Variants in PARP2 observed in about 807,000 individuals in gnomAD.
PARP2 encodes the protein poly [ADP-ribose] polymerase 2.
PARP2 carries 57 observed loss-of-function variants against 77.8 expected under a neutral mutation model. That is an observed-to-expected ratio of 0.73 (90% CI 0.59 to 0.91). PARP2 has a LOEUF of 0.91. PARP2 is among the 40% of genes least tolerant of loss of function. PARP2 has a pLI of 0.00. For missense variants in PARP2, 651 were observed against 689.0 expected, an observed-to-expected ratio of 0.94 and a Z score of 0.62; for synonymous variants, 226 against 242.6, an observed-to-expected ratio of 0.93 and a Z score of 0.64.
intron 6 of PARP2, among the ~76,000 whole-genome samples, chr14:20,351,797 T>C (rs1883964805): frequency 6.6e-6 from 1 of 151,942 alleles, no homozygotes; most frequent in Non-Finnish European, 1.5e-5. Context: ...GAGGATTGCT[T>C]GAAGCTAGGA....
intron 5 of PARP2, 97 bp from the exon 6 acceptor site, chr14:20,350,950 C>A: frequency 1.1e-6 from 1 of 925,542 alleles, no homozygotes; most frequent in Non-Finnish European, 1.7e-6. Flanking sequence ...TCCCTTCTCC[C>A]TTTCCTGCCT....
At chr14:20,354,767 T>C (rs780118419) in intron 8 of PARP2, 42 bp from the exon 9 acceptor site, 131 of 1,567,292 alleles carry the variant, frequency 8.4e-5, no homozygotes, top group Middle Eastern at 1.7e-4. Context: ...GTTCACTAGA[T>C]GGGATCCTAG....
chr14:20,355,155 T>A, intron 9 of PARP2: 1 of 467,900 alleles, frequency 2.1e-6, no homozygotes. Context: ...AGCCATATTC[T>A]CTGACAAAGT....
intron 4 of PARP2, among the ~76,000 whole-genome samples, chr14:20,347,617 G>T (rs1308538890): frequency 6.8e-6 from 1 of 147,740 alleles, no homozygotes; most frequent in Non-Finnish European, 1.5e-5. Flanking sequence ...CACCATGTTG[G>T]CCAGGCTGGT....
rs531629163 is a variant in PARP2, at chr14:20,353,309, T to A, written c.601-776T>A. On this transcript the variant is annotated intron_variant, in intron 7 of 15. Coordinates refer to ENST00000429687, the MANE Select transcript of PARP2 (RefSeq NM_001042618.2). ...CAGGCTGGAGTGCAGTGGCGCGATCTCGGCTCACTGCACGCTCCGCCTCTG... is the reference window on the plus strand; with the variant it reads ...CAGGCTGGAGTGCAGTGGCGCGATCACGGCTCACTGCACGCTCCGCCTCTG... Among the ~76,000 whole-genome samples, 3 of 152,046 alleles carry A rather than the reference T, an allele frequency of 2.0e-5. No homozygotes were observed. The South Asian group carries it at 6.2e-4, about 32-fold the overall frequency.
chr14:20,351,224 G>T, intron 6 of PARP2, 102 bp downstream of exon 6: 1 of 736,732 alleles, frequency 1.4e-6, no homozygotes, highest in Non-Finnish European at 2.3e-6. Context: ...TGTTGCCCAG[G>T]CTGGAGTGCA....
rs775254991 is a variant in PARP2 at position 20,355,880 on chromosome 14, A to G, written c.967-17A>G. 2.5e-5 allele frequency: 41 copies of G among 1,613,918 alleles called. No individual in the cohort carries two copies. Among genetic ancestry groups the G allele is most frequent in the Admixed American group, 3.3e-5 (2 of 59,984 alleles). ...ACCAGTGTCCTCCCACATTGATTCT[A>G]TATCTCATCTTCTCAGGCTTTGGGA... is the stretch of plus-strand genomic sequence containing the variant. On this transcript the variant is annotated splice_polypyrimidine_tract_variant and intron_variant, in intron 10 of 15. Coordinates refer to ENST00000429687, the MANE Select transcript of PARP2 (RefSeq NM_001042618.2).
Position 20,357,038 on chromosome 14 carries a change from G to A in PARP2, c.1330-13G>A. 1 of 1,520,764 alleles carries A rather than the reference G, an allele frequency of 6.6e-7. No homozygotes were observed. Among genetic ancestry groups the A allele is most frequent in the Non-Finnish European group, 9.1e-7 (1 of 1,094,756 alleles). The allele number at this position is 1,520,764 out of a possible 1,614,324, so 94.2% of individuals were successfully genotyped here. On this transcript the variant is annotated splice_polypyrimidine_tract_variant and intron_variant, in intron 13 of 15. Coordinates refer to ENST00000429687, the MANE Select transcript of PARP2 (RefSeq NM_001042618.2). The stretch of plus-strand genomic sequence containing the variant: ...GTTAGAAGCTGACCTTGGTATTCAT[G>A]TATATATTTCAGTTTGGGAAAGGAA...
chr14:20,350,953 T>A (rs3093904), intron 5 of PARP2, 94 bp from the exon 6 acceptor site: 225,575 of 932,772 alleles, frequency 0.24, 29,048 homozygotes, highest in South Asian at 0.33. Flanking sequence ...CTTCTCCCTT[T>A]CCTGCCTGTT....
At chr14:20,347,682 A>G (rs938683166) in intron 4 of PARP2, among the ~76,000 whole-genome samples, 2 of 151,622 alleles carry the variant, frequency 1.3e-5, no homozygotes, top group African/African-American at 4.8e-5. Flanking sequence ...AAGTGTTGGT[A>G]TTACAGGCAT....
Position 20,351,086 on chromosome 14 carries a change from G to C in PARP2, c.461G>C (p.Gly154Ala). ...MGQHSLVACS[G>A]NLNKAKEIFQ... ...CAGCACAGCCTGGTGGCTTGTTCAG[G>C]CAATCTCAACAAGGCCAAGGAAATC... Residue 154 changes from glycine to alanine, a missense_variant, in exon 6 of 16, where the codon GGC becomes GCC. Transcript: ENST00000429687. 1 of 1,613,952 alleles carries C rather than the reference G, an allele frequency of 6.2e-7. No individual in the cohort carries two copies. Among genetic ancestry groups the C allele is most frequent in the Non-Finnish European group, 8.5e-7 (1 of 1,179,904 alleles).
chr14:20,347,356 G>GTA (rs774986716), intron 4 of PARP2, among the ~76,000 whole-genome samples: 454 of 29,516 alleles, frequency 0.015, 3 homozygotes, highest in Middle Eastern at 0.036. Flanking sequence ...ATGTGTGTGT[G>GTA]TATATATATA....
At chr14:20,350,982 G>T in intron 5 of PARP2, 65 bp from the exon 6 acceptor site, 1 of 1,221,248 alleles carries the variant, frequency 8.2e-7, no homozygotes, top group South Asian at 1.3e-5. Context: ...GTTAAGCAGA[G>T]AGATCTTGGA....
rs764104797 is a variant in PARP2 at position 20,350,507 on chromosome 14, T to C, written c.325-19T>C. On this transcript the variant is annotated intron_variant, in intron 4 of 15. Transcript: ENST00000429687. ...TTTGCAAAACTCCTTTTTTTTGTTT[T>C]TGTTTTCACTCAACATAGACCAATC... The C allele has an allele frequency of 3.5e-6, 5 of 1,428,046 alleles. No individual in the cohort carries two copies. Among genetic ancestry groups the C allele is most frequent in the Non-Finnish European group, 4.9e-6 (5 of 1,024,720 alleles). The allele number at this position is 1,428,046 out of a possible 1,614,324, so 88.5% of individuals were successfully genotyped here. A position where few individuals can be genotyped will look rare whatever the true frequency, so the allele number is the denominator to read the frequency against.
intron 7 of PARP2, among the ~76,000 whole-genome samples, chr14:20,353,347 TCTC>T (rs1328274290): frequency 6.6e-6 from 1 of 151,792 alleles, no homozygotes; most frequent in Non-Finnish European, 1.5e-5. Flanking sequence ...TTCACGCCAT[TCTC>T]CTGCCTCAGC....
rs991811001 is a variant in PARP2 at position 20,349,722 on chromosome 14, C to CT, written c.325-794dup. Among the ~76,000 whole-genome samples, 54 of 149,324 alleles carry CT rather than the reference C, an allele frequency of 3.6e-4. 1 individual carries two copies. The highest frequency in any genetic ancestry group is 3.3e-3 in the Admixed American group (49 of 14,896). ...CCTTTTTGTTCTAACATCTAATGAC[C>CT]TTTTTTTTTTCACCAGTGGGCTAAG... On this transcript the variant is annotated intron_variant, in intron 4 of 15. Coordinates refer to ENST00000429687, the MANE Select transcript of PARP2 (RefSeq NM_001042618.2).
At position 20,354,138 on chromosome 14, in the gene PARP2, G is replaced by A. The variant is rs1390596105; in HGVS notation, c.654G>A (p.Glu218=). Residue 218 remains glutamate (E), a synonymous_variant, in exon 8 of 16, where the codon GAG becomes GAA. Coordinates refer to ENST00000429687, the MANE Select transcript of PARP2 (RefSeq NM_001042618.2). ...CTCTTAAATCTCCCTTGAAGCCAGAGTCACAGCTAGATCTTCGGGTACAGG... is the reference window on the plus strand; with the variant it reads ...CTCTTAAATCTCCCTTGAAGCCAGAATCACAGCTAGATCTTCGGGTACAGG... The part of the protein sequence containing the change: ...EESLKSPLKP[E]SQLDLRVQEL... 1.9e-6 allele frequency: 3 copies of A among 1,613,006 alleles called. No individual in the cohort carries two copies. The highest frequency in any genetic ancestry group is 1.3e-5 in the African/African-American group (1 of 74,900).
intron 4 of PARP2, among the ~76,000 whole-genome samples, chr14:20,349,193 C>T (rs903420922): frequency 4.0e-5 from 6 of 151,498 alleles, no homozygotes; most frequent in African/African-American, 9.7e-5. Flanking sequence ...ACAAAAACAC[C>T]GGGCATGGGC....
chr14:20,354,010 A>T, intron 7 of PARP2, 75 bp from the exon 8 acceptor site: 2 of 1,155,640 alleles, frequency 1.7e-6, no homozygotes, highest in African/African-American at 1.6e-5. Context: ...TTTACATTGT[A>T]TAATATTGGG....
Sources: gnomAD v4.1 joint callset for allele counts (sites outside exome capture counted in the v4.1 genomes callset) on GRCh38, gnomAD v4.1.1 for gene constraint, MANE v1.5 for transcripts, NCBI Gene and HGNC (gene_info 2026-07-23, HGNC 2026-07-21) for gene names.